The following MTUS2 variants were observed in gnomAD, a reference collection of about 807,000 sequenced individuals.
MTUS2 encodes the protein microtubule-associated tumor suppressor candidate 2.
In MTUS2, 40 loss-of-function variants were observed where a neutral mutation model predicts 114.1. That is an observed-to-expected ratio of 0.35 (90% CI 0.27 to 0.46). The LOEUF (loss-of-function observed/expected upper bound fraction) is 0.46, where lower values mean the gene tolerates loss of function less well. MTUS2 is among the 20% of genes least tolerant of loss of function. The pLI, the probability that MTUS2 is intolerant of heterozygous loss-of-function variation, is 1.00. For missense variants in MTUS2, 1,679 were observed against 1,705.4 expected, an observed-to-expected ratio of 0.98 and a Z score of 0.27; for synonymous variants, 688 against 672.0, an observed-to-expected ratio of 1.02 and a Z score of -0.37.
chr13:29,054,399 G>T (rs945975641), intron 4 of MTUS2, among the ~76,000 whole-genome samples: 2 of 152,068 alleles, frequency 1.3e-5, no homozygotes, highest in Admixed American at 6.6e-5. Context: ...GTCTTTCAAA[G>T]AGTAGACTTT....
intron 5 of MTUS2, among the ~76,000 whole-genome samples, chr13:29,218,817 C>T (rs1895785957): frequency 6.6e-6 from 1 of 152,176 alleles, no homozygotes; most frequent in South Asian, 2.1e-4. Flanking sequence ...AATAGATGTG[C>T]TATCATCCAG....
chr13:29,059,670 G>A (rs182995651), intron 4 of MTUS2, among the ~76,000 whole-genome samples: 1 of 152,304 alleles, frequency 6.6e-6, no homozygotes, highest in East Asian at 1.9e-4. Flanking sequence ...TAGGACTATT[G>A]GGCTGAAAGT....
At chr13:28,867,222 C>G (rs1193790507) in intron 2 of MTUS2, among the ~76,000 whole-genome samples, 3 of 152,198 alleles carry the variant, frequency 2.0e-5, no homozygotes, top group African/African-American at 7.2e-5. Flanking sequence ...TAAGCAAATA[C>G]TTCTATCATT....
At chr13:29,141,934 A>C (rs1346565116) in intron 5 of MTUS2, among the ~76,000 whole-genome samples, 1 of 145,240 alleles carries the variant, frequency 6.9e-6, no homozygotes, top group Non-Finnish European at 1.5e-5. Context: ...ATCTCGGCTC[A>C]CTTCAAGCTC....
intron 1 of MTUS2, among the ~76,000 whole-genome samples, chr13:28,838,613 C>G (rs753775242): frequency 6.6e-6 from 1 of 152,204 alleles, no homozygotes; most frequent in Admixed American, 6.5e-5. Flanking sequence ...TCTTGTCCCT[C>G]GCTTGCTCTT....
chr13:28,957,080 C>T (rs966699975), intron 2 of MTUS2, among the ~76,000 whole-genome samples: 2 of 152,152 alleles, frequency 1.3e-5, no homozygotes, highest in African/African-American at 4.8e-5. Flanking sequence ...ACCTGCCTTT[C>T]CACATGTGCT....
In MTUS2 at chr13:29,100,959, G is replaced by A. The variant is rs766688382; in HGVS notation, c.2633G>A (p.Arg878Gln). The change falls in exon 5 of 16, where the codon CGG becomes CAG. Residue 878 changes from arginine to glutamine, a missense_variant. Physicochemically the swap from Arg to Gln is conservative, Grantham distance 43. This residue lies in a region of MTUS2 where 822 missense variants were observed against 899.7 expected (regional missense o/e 0.91). Transcript: ENST00000612955. Reference protein sequence around the residue: ...SGDSAQPEQGRPATRSTFGNE... With the variant: ...SGDSAQPEQGQPATRSTFGNE... The stretch of plus-strand genomic sequence containing the variant: ...GACAGTGCACAGCCAGAGCAGGGCC[G>A]GCCAGCCACCCGTAAGTGGGGTGGG... 2.0e-5 allele frequency: 31 copies of A among 1,563,124 alleles called. No individual in the cohort carries two copies. Among genetic ancestry groups the A allele is most frequent in the Middle Eastern group, 3.4e-4 (2 of 5,954 alleles).
chr13:29,475,195 C>G (rs575034538), intron 9 of MTUS2, among the ~76,000 whole-genome samples: 1 of 152,298 alleles, frequency 6.6e-6, no homozygotes, highest in African/African-American at 2.4e-5. Flanking sequence ...TGAAAAATTT[C>G]TATCACCCGG....
intron 5 of MTUS2, among the ~76,000 whole-genome samples, chr13:29,183,811 T>C (rs1566052979): frequency 6.6e-6 from 1 of 152,186 alleles, no homozygotes; most frequent in Non-Finnish European, 1.5e-5. Flanking sequence ...AAAATAATGT[T>C]ATTTAGGTCT....
At chr13:29,471,128 A>G (rs1010882878) in intron 9 of MTUS2, among the ~76,000 whole-genome samples, 2 of 152,062 alleles carry the variant, frequency 1.3e-5, no homozygotes, top group African/African-American at 4.8e-5. Context: ...AGCTCACTTG[A>G]GGTCAGGAGT....
At chr13:29,199,635 A>T (rs1451683840) in intron 5 of MTUS2, among the ~76,000 whole-genome samples, 1 of 152,120 alleles carries the variant, frequency 6.6e-6, no homozygotes, top group East Asian at 1.9e-4. Flanking sequence ...CATCAGGGAT[A>T]TGGGCCTGAA....
chr13:29,342,432 G>A (rs1433345632), intron 7 of MTUS2, among the ~76,000 whole-genome samples: 3 of 151,982 alleles, frequency 2.0e-5, no homozygotes, highest in Admixed American at 6.6e-5. Flanking sequence ...TGTAAAAGGG[G>A]TTGAGTTCTT....
intron 6 of MTUS2, among the ~76,000 whole-genome samples, chr13:29,311,813 T>A (rs9551644): frequency 0.078 from 11,850 of 152,278 alleles, 800 homozygotes; most frequent in East Asian, 0.36. Flanking sequence ...TCAATTACTA[T>A]CTAATCAAAG....
intron 7 of MTUS2, among the ~76,000 whole-genome samples, chr13:29,357,172 C>CATGATG (rs55637032): frequency 0.43 from 65,211 of 150,808 alleles, 16,890 homozygotes; most frequent in East Asian, 0.66. Flanking sequence ...TAATTTCTAA[C>CATGATG]ATGATGATGA....
At chr13:28,914,348 A>ATT (rs915289466) in intron 2 of MTUS2, among the ~76,000 whole-genome samples, 1 of 152,066 alleles carries the variant, frequency 6.6e-6, no homozygotes, top group African/African-American at 2.4e-5. Context: ...TAATTTCATT[A>ATT]TTTACCCAGG....
At chr13:28,957,183 T>C (rs1883112101) in intron 2 of MTUS2, among the ~76,000 whole-genome samples, 1 of 152,216 alleles carries the variant, frequency 6.6e-6, no homozygotes, top group African/African-American at 2.4e-5. Flanking sequence ...TTTGGCCCAT[T>C]AGCATGGGTG....
intron 6 of MTUS2, among the ~76,000 whole-genome samples, chr13:29,283,724 A>G (rs1167786507): frequency 6.6e-6 from 1 of 152,202 alleles, no homozygotes; most frequent in Non-Finnish European, 1.5e-5. Context: ...TAGGGATTAC[A>G]CTTTGTGAGC....
intron 4 of MTUS2, 34 bp downstream of exon 4, chr13:29,034,159 T>A (rs746779607): frequency 6.2e-6 from 10 of 1,612,538 alleles, no homozygotes; most frequent in Non-Finnish European, 8.5e-6. Context: ...CTTTTCCTGC[T>A]GTACGTTTAG....
intron 4 of MTUS2, among the ~76,000 whole-genome samples, chr13:29,055,156 G>T (rs1888075334): frequency 6.6e-6 from 1 of 151,988 alleles, no homozygotes; most frequent in South Asian, 2.1e-4. Context: ...TGGAAATTTG[G>T]ATTTAAAACA....
Sources: gnomAD v4.1 joint callset for allele counts (sites outside exome capture counted in the v4.1 genomes callset) on GRCh38, gnomAD v4.1.1 for gene constraint, gnomAD v4.1.1 regional missense constraint, MANE v1.5 for transcripts, NCBI Gene and HGNC (gene_info 2026-07-23, HGNC 2026-07-21) for gene names.